CLUAP1: variants seen among roughly 807,000 people sequenced by gnomAD.
CLUAP1 encodes the protein clusterin-associated protein 1.
CLUAP1 carries 50 observed loss-of-function variants against 55.0 expected under a neutral mutation model. The observed-to-expected ratio is 0.91, with a 90% CI of 0.72 to 1.15. The LOEUF (loss-of-function observed/expected upper bound fraction) is 1.15, where lower values mean the gene tolerates loss of function less well. Among genes scored for constraint, CLUAP1 ranks in the 50% most tolerant of loss-of-function variants. CLUAP1 has a pLI of 0.00. For synonymous variants in CLUAP1, 195 were observed against 175.4 expected (o/e 1.11, Z -0.88); for missense variants, 530 against 507.6 (o/e 1.04, Z -0.42).
intron 11 of CLUAP1, chr16:3,533,889 T>A (rs2038178940): frequency 6.6e-6 from 1 of 152,338 alleles, no homozygotes; most frequent in Non-Finnish European, 1.5e-5. Context: ...CTGGCAATGC[T>A]GAGGCAGCAC....
rs1439021050 is a variant in CLUAP1 at position 3,538,326 on chromosome 16, A to AAC, written c.*2056_*2057insCA. On this transcript the variant is annotated 3_prime_UTR_variant, in exon 12 of 12. Coordinates refer to ENST00000576634, the MANE Select transcript of CLUAP1 (RefSeq NM_015041.3). ...TGTATAAGATTACCCCTAAAAAAAA[A>AAC]AAAACAGCCAGTATTCAGTGAATTC... The AAC allele has an allele frequency of 6.6e-6, 1 of 151,956 alleles. No homozygotes were observed. Among genetic ancestry groups the AAC allele is most frequent in the Non-Finnish European group, 1.5e-5 (1 of 67,998 alleles). The allele number at this position is 151,956 out of a possible 1,614,324, so 9.4% of individuals were successfully genotyped here.
At chr16:3,500,579 C>T (rs962442654), upstream of CLUAP1, among the ~76,000 whole-genome samples, 2 of 152,140 alleles carry the variant, frequency 1.3e-5, no homozygotes, top group Admixed American at 1.3e-4. Flanking sequence ...CCATGTTGGC[C>T]AGGCTGGTCT....
At chr16:3,528,627 C>A (rs901833499) in intron 9 of CLUAP1, among the ~76,000 whole-genome samples, 1 of 152,074 alleles carries the variant, frequency 6.6e-6, no homozygotes, top group Admixed American at 6.6e-5. Context: ...CCCATGCTGT[C>A]CCCGGGCCAG....
chr16:3,502,420 G>A (rs2037422900), intron 1 of CLUAP1, among the ~76,000 whole-genome samples: 1 of 150,854 alleles, frequency 6.6e-6, no homozygotes, highest in Admixed American at 6.6e-5. Context: ...CTCCACCCTG[G>A]CCGACAGAGT....
chr16:3,525,934 C>T (rs182243145), intron 8 of CLUAP1, among the ~76,000 whole-genome samples: 9 of 152,284 alleles, frequency 5.9e-5, no homozygotes, highest in African/African-American at 1.4e-4. Context: ...CCTGTCCCCA[C>T]CCCTGTTCCC....
chr16:3,523,920 C>T (rs908203598), intron 8 of CLUAP1, among the ~76,000 whole-genome samples: 5 of 152,024 alleles, frequency 3.3e-5, no homozygotes, highest in Admixed American at 1.3e-4. Flanking sequence ...GAGCCAAGAT[C>T]GTGCCACTGT....
intron 7 of CLUAP1, among the ~76,000 whole-genome samples, chr16:3,522,466 CA>C (rs2037857903): frequency 6.6e-6 from 1 of 152,090 alleles, no homozygotes; most frequent in African/African-American, 2.4e-5. Flanking sequence ...ACCCGGCCAA[CA>C]GTAGAACATT....
chr16:3,506,505 G>GC, intron 3 of CLUAP1, 90 bp downstream of exon 3: 1 of 1,036,888 alleles, frequency 9.6e-7, no homozygotes, highest in Admixed American at 1.9e-5. Context: ...CTGTGTAATT[G>GC]AGTTTTTCTT....
chr16:3,536,256 T>C lies in CLUAP1; in HGVS notation c.1227T>C (p.Ser409=). The change falls in exon 12 of 12, where the codon AGT becomes AGC. Residue 409 remains serine (S), a synonymous_variant. Transcript: ENST00000576634. ...GGAAATCTGAACCCCTGGATGAGAG[T>C]GACAATGACTTCTGACCCTTTTGCC... ...RVRKSEPLDE[S]DNDF 1 of 1,613,862 alleles carries C rather than the reference T, an allele frequency of 6.2e-7. No homozygotes were observed. Among genetic ancestry groups the C allele is most frequent in the Non-Finnish European group, 8.5e-7 (1 of 1,179,964 alleles).
At chr16:3,533,365 C>T (rs1239229443) in intron 11 of CLUAP1, 5 of 567,496 alleles carry the variant, frequency 8.8e-6, no homozygotes, top group South Asian at 4.2e-5. Flanking sequence ...AAGCTCAGGC[C>T]GGGCCATCCT....
intron 9 of CLUAP1, among the ~76,000 whole-genome samples, chr16:3,527,168 A>G (rs1451457458): frequency 1.3e-5 from 2 of 152,202 alleles, no homozygotes; most frequent in Admixed American, 6.5e-5. Flanking sequence ...CTGTTCCAGT[A>G]TAATAAAATA....
At chr16:3,518,696 A>G (rs1361850002) in intron 6 of CLUAP1, among the ~76,000 whole-genome samples, 1 of 152,258 alleles carries the variant, frequency 6.6e-6, no homozygotes, top group Non-Finnish European at 1.5e-5. Context: ...CACTTGCAGC[A>G]AATCGATGAT....
At chr16:3,530,265 C>T (rs906377459) in intron 9 of CLUAP1, among the ~76,000 whole-genome samples, 6 of 152,024 alleles carry the variant, frequency 3.9e-5, no homozygotes, top group African/African-American at 1.2e-4. Flanking sequence ...ACAGGCTTTT[C>T]GGAGACACAT....
chr16:3,507,864 C>T (rs2037540443), intron 3 of CLUAP1, among the ~76,000 whole-genome samples: 1 of 152,048 alleles, frequency 6.6e-6, no homozygotes, highest in African/African-American at 2.4e-5. Flanking sequence ...TATAGAATTT[C>T]CTCATTCTGT....
intron 3 of CLUAP1, among the ~76,000 whole-genome samples, chr16:3,507,115 G>T (rs866285154): frequency 2.6e-5 from 4 of 151,482 alleles, no homozygotes; most frequent in African/African-American, 9.7e-5. Context: ...AGAATGGTGT[G>T]AACCTGGGAG....
intron 10 of CLUAP1, among the ~76,000 whole-genome samples, chr16:3,531,023 A>G (rs1003615702): frequency 6.6e-6 from 1 of 152,318 alleles, no homozygotes; most frequent in South Asian, 2.1e-4. Flanking sequence ...TCTCTGCCTT[A>G]AAAAAAGTTC....
intron 1 of CLUAP1, chr16:3,502,225 T>C (rs1339027068): frequency 6.6e-6 from 1 of 152,054 alleles, no homozygotes; most frequent in Non-Finnish European, 1.5e-5. Context: ...GGCGGATCAC[T>C]TAATTTCAGG....
intron 1 of CLUAP1, among the ~76,000 whole-genome samples, chr16:3,503,754 T>C (rs1413073078): frequency 6.6e-6 from 1 of 152,056 alleles, no homozygotes; most frequent in Non-Finnish European, 1.5e-5. Flanking sequence ...CCACACCCAG[T>C]TAATTTTTTT....
intron 3 of CLUAP1, among the ~76,000 whole-genome samples, chr16:3,507,226 A>G (rs2037525104): frequency 6.6e-6 from 1 of 150,868 alleles, no homozygotes; most frequent in Non-Finnish European, 1.5e-5. Context: ...TTATTTATTT[A>G]TTTTTGAATA....
Sources: gnomAD v4.1 joint callset for allele counts (sites outside exome capture counted in the v4.1 genomes callset) on GRCh38, gnomAD v4.1.1 for gene constraint, MANE v1.5 for transcripts, NCBI Gene and HGNC (gene_info 2026-07-23, HGNC 2026-07-21) for gene names.